EPB41L4A: variants seen among roughly 807,000 people sequenced by gnomAD.
The protein encoded by EPB41L4A is erythrocyte membrane protein band 4.1 like 4A.
A neutral mutation model predicts 108.6 loss-of-function variants in EPB41L4A; 100 were observed. That is an observed-to-expected ratio of 0.92 (90% CI 0.78 to 1.09). EPB41L4A has a LOEUF of 1.09. Ranked by LOEUF, EPB41L4A falls within the 50% of genes least tolerant of loss-of-function variation. The probability of loss-of-function intolerance (pLI) is 0.00; values close to 1 mark genes in which losing one functional copy is unlikely to be tolerated. For synonymous variants in EPB41L4A, 319 were observed against 289.0 expected, an observed-to-expected ratio of 1.10 and a Z score of -1.05; for missense variants, 1,030 against 842.7, an observed-to-expected ratio of 1.22 and a Z score of -2.75.
At chr5:112,360,345 C>T (rs1034991123) in intron 1 of EPB41L4A, among the ~76,000 whole-genome samples, 2 of 152,212 alleles carry the variant, frequency 1.3e-5, no homozygotes, top group East Asian at 1.9e-4. Context: ...ACTGTACTGC[C>T]GCCATCTCGG....
intron 15 of EPB41L4A, among the ~76,000 whole-genome samples, chr5:112,201,650 A>T (rs143422881): frequency 3.6e-4 from 55 of 152,290 alleles, no homozygotes; most frequent in African/African-American, 1.3e-3. Flanking sequence ...AATTCTAATC[A>T]TCCCTGCCAC....
chr5:112,295,158 C>T (rs1209796021), intron 2 of EPB41L4A, among the ~76,000 whole-genome samples: 2 of 152,258 alleles, frequency 1.3e-5, no homozygotes, highest in Admixed American at 1.3e-4. Context: ...TCAAAAGTAT[C>T]CTGGATTAGT....
At chr5:112,287,751 G>A (rs1753382030) in intron 2 of EPB41L4A, among the ~76,000 whole-genome samples, 1 of 152,140 alleles carries the variant, frequency 6.6e-6, no homozygotes, top group African/African-American at 2.4e-5. Flanking sequence ...CAGGGAGGCT[G>A]TCTCTAAGAG....
intron 18 of EPB41L4A, among the ~76,000 whole-genome samples, chr5:112,181,962 A>G (rs1580381687): frequency 6.6e-6 from 1 of 152,010 alleles, no homozygotes; most frequent in Non-Finnish European, 1.5e-5. Context: ...AATCCCAGCT[A>G]CTCAGGAGGC....
intron 12 of EPB41L4A, among the ~76,000 whole-genome samples, chr5:112,148,708 CCTTT>C (rs1759356729): frequency 6.6e-6 from 1 of 152,044 alleles, no homozygotes; most frequent in Admixed American, 6.6e-5. Flanking sequence ...TTTCACTTAG[CCTTT>C]CTATCGTGAT....
At chr5:112,332,043 G>A (rs1489790203) in intron 1 of EPB41L4A, among the ~76,000 whole-genome samples, 1 of 152,222 alleles carries the variant, frequency 6.6e-6, no homozygotes, top group Non-Finnish European at 1.5e-5. Context: ...AACAGGAACA[G>A]AAACCGAAGG....
intron 1 of EPB41L4A, among the ~76,000 whole-genome samples, chr5:112,323,883 T>C (rs1049465982): frequency 4.6e-5 from 7 of 152,218 alleles, no homozygotes; most frequent in African/African-American, 1.7e-4. Context: ...TAGCATTAGA[T>C]TTCTCAAATG....
At chr5:112,268,961 C>G (rs999039485) in intron 4 of EPB41L4A, among the ~76,000 whole-genome samples, 1 of 147,696 alleles carries the variant, frequency 6.8e-6, no homozygotes, top group African/African-American at 2.5e-5. Context: ...AACAGAGGAA[C>G]AGAGAGATTA....
chr5:112,382,113 C>T (rs1034871928), intron 1 of EPB41L4A, among the ~76,000 whole-genome samples: 1 of 152,082 alleles, frequency 6.6e-6, no homozygotes, highest in African/African-American at 2.4e-5. Context: ...TTAAAAGGTA[C>T]GTGATATAAC....
chr5:112,354,954 T>C (rs1250942748), intron 1 of EPB41L4A, among the ~76,000 whole-genome samples: 1 of 152,170 alleles, frequency 6.6e-6, no homozygotes, highest in East Asian at 1.9e-4. Context: ...AAGAAGTATT[T>C]TATCTGATTT....
chr5:112,339,486 A>ATC (rs34517978), intron 1 of EPB41L4A, among the ~76,000 whole-genome samples: 16,815 of 72,358 alleles, frequency 0.23, 1,241 homozygotes, highest in Middle Eastern at 0.33. Flanking sequence ...ATATATATAT[A>ATC]TATATATATC....
intron 17 of EPB41L4A, among the ~76,000 whole-genome samples, chr5:112,189,281 C>T (rs950428889): frequency 6.6e-5 from 10 of 152,326 alleles, no homozygotes; most frequent in African/African-American, 2.2e-4. Flanking sequence ...CTGTGCAGGG[C>T]ACTTTCTACT....
At chr5:112,418,845 C>T in intron 1 of EPB41L4A, 96 bp downstream of exon 1, 1 of 922,376 alleles carries the variant, frequency 1.1e-6, no homozygotes, top group Non-Finnish European at 1.7e-6. Flanking sequence ...GAGTCGCGGC[C>T]GCCGCCCTCG....
chr5:112,184,102 C>T lies in EPB41L4A; in HGVS notation c.1536G>A (p.Ala512=), dbSNP rs1284758792. The change falls in exon 18 of 23, where the codon GCG becomes GCA. Residue 512 remains alanine, a synonymous_variant. Transcript: ENST00000261486. ...IRQENDMVDS[A]PQWEAVLRRQ... ...TCCTTAATACAGCTTCCCACTGAGG[C>T]GCTGAATCAACCATATCATTCTCCT... The T allele has an allele frequency of 5.6e-6, 9 of 1,613,830 alleles. No homozygotes were observed. The highest frequency in any genetic ancestry group is 1.3e-5 in the African/African-American group (1 of 74,884).
In EPB41L4A at chr5:112,184,104, C is replaced by T; in HGVS notation, c.1534G>A (p.Ala512Thr). Residue 512 changes from alanine (A) to threonine (T), a missense_variant, in exon 18 of 23, where the codon GCG becomes ACG. Transcript: ENST00000261486. Reference sequence around the variant, plus strand: ...CTTAATACAGCTTCCCACTGAGGCGCTGAATCAACCATATCATTCTCCTGC... The same window carrying T: ...CTTAATACAGCTTCCCACTGAGGCGTTGAATCAACCATATCATTCTCCTGC... ...IRQENDMVDS[A>T]PQWEAVLRRQ... 2 of 1,614,014 alleles carry T rather than the reference C, an allele frequency of 1.2e-6. No homozygotes were observed. Among genetic ancestry groups the T allele is most frequent in the South Asian group, 2.2e-5 (2 of 91,072 alleles).
chr5:112,239,642 G>GA lies in EPB41L4A; in HGVS notation c.965+17dup. On this transcript the variant is annotated intron_variant, in intron 11 of 22. Transcript: ENST00000261486. ...TTATTTACAAACACATCCCCCCAAG[G>GA]AAAAAAATGTCATTTACCTGTAGCG... 10 of 1,541,416 alleles carry GA rather than the reference G, an allele frequency of 6.5e-6. No homozygotes were observed. Among genetic ancestry groups the GA allele is most frequent in the Middle Eastern group, 1.7e-4 (1 of 5,870 alleles).
chr5:112,190,901 A>T (rs1333223226), intron 17 of EPB41L4A, among the ~76,000 whole-genome samples: 2 of 152,114 alleles, frequency 1.3e-5, no homozygotes, highest in South Asian at 2.1e-4. Flanking sequence ...AAAAGACTGG[A>T]AAGGAAGCCC....
intron 1 of EPB41L4A, among the ~76,000 whole-genome samples, chr5:112,386,195 C>T (rs1760514443): frequency 6.6e-6 from 1 of 152,166 alleles, no homozygotes; most frequent in Non-Finnish European, 1.5e-5. Context: ...GCATCATATG[C>T]TGAATCCTGG....
chr5:112,332,961 C>A (rs965241356), intron 1 of EPB41L4A, among the ~76,000 whole-genome samples: 3 of 152,192 alleles, frequency 2.0e-5, no homozygotes, highest in Non-Finnish European at 4.4e-5. Flanking sequence ...TCAGATCACA[C>A]ACAGCATGTG....
Sources: gnomAD v4.1 joint callset for allele counts (sites outside exome capture counted in the v4.1 genomes callset) on GRCh38, gnomAD v4.1.1 for gene constraint, MANE v1.5 for transcripts, NCBI Gene and HGNC (gene_info 2026-07-23, HGNC 2026-07-21) for gene names.